DAPK1: variants seen among roughly 807,000 people sequenced by gnomAD.
DAPK1 encodes the protein death associated protein kinase 1, also known as death-associated protein kinase 1.
Under a neutral mutation model 144.9 loss-of-function variants are expected in DAPK1, and 56 were observed. That is an observed-to-expected ratio of 0.39 (90% confidence interval 0.31 to 0.48). DAPK1 has a LOEUF of 0.48. Among genes scored for constraint, DAPK1 ranks in the 20% least tolerant of loss-of-function variants. The pLI, the probability that DAPK1 is intolerant of heterozygous loss-of-function variation, is 0.95. For synonymous variants in DAPK1, 690 were observed against 749.0 expected (o/e 0.92, Z 1.29); for missense variants, 1,454 against 1,875.4 (o/e 0.78, Z 4.15).
chr9:87,501,459 C>T (rs982918783), intron 2 of DAPK1, among the ~76,000 whole-genome samples: 9 of 152,258 alleles, frequency 5.9e-5, no homozygotes, highest in Admixed American at 2.0e-4. Flanking sequence ...GCATGAGAAT[C>T]GCCTGAACCT....
In DAPK1 at chr9:87,669,517, AT is replaced by A. The variant is rs201779709; in HGVS notation, c.2001+851del. On this transcript the variant is annotated intron_variant, in intron 19 of 25. Coordinates refer to ENST00000408954, the MANE Select transcript of DAPK1 (RefSeq NM_004938.4). ...GTATTTTAAAAAATTTAATTACTGT[AT>A]TTTTTTTAAAATGTTATAACAATGG... Among the ~76,000 whole-genome samples the A allele has an allele frequency of 7.3e-3, 1,104 of 151,054 alleles. 15 individuals carry two copies. The highest frequency in any genetic ancestry group is 0.025 in the African/African-American group (1,040 of 40,902).
chr9:87,657,869 C>T, intron 17 of DAPK1, 160 bp from the exon 18 acceptor site: 2 of 639,006 alleles, frequency 3.1e-6, no homozygotes, highest in South Asian at 3.6e-5. Context: ...TTCTGCCTGG[C>T]TGGCCTGCCC....
At position 87,555,258 on chromosome 9, in the gene DAPK1, G is replaced by A. The variant is rs73652037; in HGVS notation, c.63-49696G>A. Among the ~76,000 whole-genome samples, 1,414 of 152,256 alleles carry A rather than the reference G, an allele frequency of 9.3e-3. 21 individuals are homozygous for A. Among genetic ancestry groups the A allele is most frequent in the African/African-American group, 0.033 (1,354 of 41,550 alleles). ...TTAGGGCATTTCCATAATACAGCAC[G>A]TTCTTAAGCAGACATTAAGTCAGAC... On this transcript the variant is annotated intron_variant, in intron 2 of 25. Coordinates refer to ENST00000408954, the MANE Select transcript of DAPK1 (RefSeq NM_004938.4).
Position 87,706,705 on chromosome 9 carries a change from C to G in DAPK1, c.3634C>G (p.Leu1212Val). The change falls in exon 26 of 26, where the codon CTG becomes GTG. Residue 1212 changes from leucine to valine, a missense_variant. Physicochemically the swap from Leu to Val is conservative, Grantham distance 32. This residue lies in a region of DAPK1 where 1,025 missense variants were observed against 1,237.9 expected (regional missense o/e 0.83). Coordinates refer to ENST00000408954, the MANE Select transcript of DAPK1 (RefSeq NM_004938.4). This position sits in a 1 kb window ranked among gnomAD's most constrained non-coding sequence, Gnocchi z 9.0. ...ETEKIKCCLL[L>V]DSVCSTIENV... ...GGAGAAGATCAAGTGCTGCCTGCTG[C>G]TGGACTCGGTGTGCAGCACCATTGA... 1 of 1,612,406 alleles carries G rather than the reference C, an allele frequency of 6.2e-7. No homozygotes were observed. The highest frequency in any genetic ancestry group is 8.5e-7 in the Non-Finnish European group (1 of 1,179,178).
At chr9:87,633,146 TGAA>T in intron 3 of DAPK1, 1 of 981,762 alleles carries the variant, frequency 1.0e-6, no homozygotes, top group Non-Finnish European at 1.2e-6. Flanking sequence ...CATGTAGGGA[TGAA>T]GGAGGATGAG....
rs748415475 is a variant in DAPK1, at chr9:87,686,699, G to A, written c.2373G>A (p.Gln791=). The part of the protein sequence containing the change: ...THHPHCSADD[Q]STKAIDIQNA... ...ACCCGCACTGCTCGGCCGATGACCAGTCCACCAAGGCCATCGACATCCAGA... is the reference window on the plus strand; with the variant it reads ...ACCCGCACTGCTCGGCCGATGACCAATCCACCAAGGCCATCGACATCCAGA... Residue 791 remains glutamine, a synonymous_variant, in exon 21 of 26, where the codon CAG becomes CAA. Coordinates refer to ENST00000408954, the MANE Select transcript of DAPK1 (RefSeq NM_004938.4). This position sits in a 1 kb window ranked among gnomAD's most constrained non-coding sequence, Gnocchi z 4.2. 5.0e-6 allele frequency: 8 copies of A among 1,613,386 alleles called. No homozygotes were observed. Among genetic ancestry groups the A allele is most frequent in the Non-Finnish European group, 3.4e-6 (4 of 1,179,412 alleles).
intron 2 of DAPK1, among the ~76,000 whole-genome samples, chr9:87,563,320 T>C (rs1186383732): frequency 6.6e-6 from 1 of 152,172 alleles, no homozygotes; most frequent in Non-Finnish European, 1.5e-5. Context: ...ATGAATATGA[T>C]TTTTAAGCTC....
chr9:87,520,777 G>A (rs1013590873), intron 2 of DAPK1, among the ~76,000 whole-genome samples: 27 of 152,288 alleles, frequency 1.8e-4, no homozygotes, highest in Middle Eastern at 6.8e-3. Flanking sequence ...ACATACCTGT[G>A]TGCGTACATA....
chr9:87,515,689 G>T (rs1164871491), intron 2 of DAPK1, among the ~76,000 whole-genome samples: 3 of 152,158 alleles, frequency 2.0e-5, no homozygotes, highest in African/African-American at 7.2e-5. Flanking sequence ...AAAGATTGCC[G>T]ATTTGGGGAG....
intron 2 of DAPK1, among the ~76,000 whole-genome samples, chr9:87,578,414 T>C (rs1031205899): frequency 2.6e-5 from 4 of 152,258 alleles, no homozygotes; most frequent in African/African-American, 9.6e-5. Context: ...GTGAATGTCA[T>C]TCTTTTCTTC....
At chr9:87,550,976 C>T (rs1826458994) in intron 2 of DAPK1, among the ~76,000 whole-genome samples, 1 of 152,202 alleles carries the variant, frequency 6.6e-6, no homozygotes, top group Non-Finnish European at 1.5e-5. Flanking sequence ...CCTGGGGACA[C>T]ATGTGGAAGG....
chr9:87,670,213 G>A (rs36216622), intron 19 of DAPK1, among the ~76,000 whole-genome samples: 1 of 151,916 alleles, frequency 6.6e-6, no homozygotes, highest in Admixed American at 6.6e-5. Context: ...GTGAGTCGTG[G>A]TTACCATTCA....
chr9:87,600,423 C>CA (rs2118932467), intron 2 of DAPK1, among the ~76,000 whole-genome samples: 1 of 151,536 alleles, frequency 6.6e-6, no homozygotes, highest in South Asian at 2.1e-4. Flanking sequence ...TCTATCTCTG[C>CA]AAAAAAGAAA....
intron 10 of DAPK1, 32 bp from the exon 11 acceptor site, chr9:87,643,344 T>TC (rs751433434): frequency 2.7e-5 from 33 of 1,204,166 alleles, no homozygotes; most frequent in African/African-American, 4.2e-5. Context: ...CTCCCCGCCC[T>TC]CCCTTTTTTT....
At position 87,706,591 on chromosome 9, in the gene DAPK1, T is replaced by A. The variant is rs1825645787; in HGVS notation, c.3520T>A (p.Cys1174Ser). Residue 1174 changes from cysteine (C) to serine (S), a missense_variant, in exon 26 of 26, where the codon TGC (cysteine) becomes AGC (serine). This residue lies in a region of DAPK1 where 1,025 missense variants were observed against 1,237.9 expected (regional missense o/e 0.83). Coordinates refer to ENST00000408954, the MANE Select transcript of DAPK1 (RefSeq NM_004938.4). The surrounding 1 kb of genome is among the most constrained non-coding windows in gnomAD (Gnocchi z 9.0). Reference protein sequence around the residue: ...DADIRLWVNGCKLANRGAELL... With the variant: ...DADIRLWVNGSKLANRGAELL... ...GGACATCCGCCTGTGGGTGAATGGCTGCAAGCTGGCCAACCGTGGGGCCGA... is the reference window on the plus strand; with the variant it reads ...GGACATCCGCCTGTGGGTGAATGGCAGCAAGCTGGCCAACCGTGGGGCCGA... 2.5e-6 allele frequency: 4 copies of A among 1,613,774 alleles called. No homozygotes were observed. Among genetic ancestry groups the A allele is most frequent in the Non-Finnish European group, 3.4e-6 (4 of 1,179,844 alleles).
At chr9:87,692,241 CTTTT>C (rs33982268) in intron 21 of DAPK1, among the ~76,000 whole-genome samples, 2 of 148,158 alleles carry the variant, frequency 1.3e-5, no homozygotes, top group Admixed American at 6.7e-5. Context: ...TAATGACCTT[CTTTT>C]TTTTTTTTTG....
intron 2 of DAPK1, among the ~76,000 whole-genome samples, chr9:87,558,088 T>C (rs1826783510): frequency 1.3e-5 from 2 of 152,238 alleles, no homozygotes; most frequent in African/African-American, 4.8e-5. Context: ...TCAGCAGCAT[T>C]GTGAGGTCCT....
chr9:87,681,594 T>C lies in DAPK1; in HGVS notation c.2192T>C (p.Phe731Ser). ...PRLSSTNSSRFPPSPLASKPT... is the reference protein window; with the variant it reads ...PRLSSTNSSRSPPSPLASKPT... ...CTGTCTTCCACCAACTCCAGCAGGT[T>C]CCCACCTTCACCCCTGGCTTCTAAG... Residue 731 changes from phenylalanine to serine, a missense_variant, in exon 20 of 26, where the codon TTC (phenylalanine) becomes TCC (serine). By Grantham distance (155) the Phe-to-Ser change is radical. This residue lies in a region of DAPK1 where 1,025 missense variants were observed against 1,237.9 expected (regional missense o/e 0.83). Transcript: ENST00000408954. 3 of 1,607,866 alleles carry C rather than the reference T, an allele frequency of 1.9e-6. No homozygotes were observed. The highest frequency in any genetic ancestry group is 2.6e-6 in the Non-Finnish European group (3 of 1,174,262).
At chr9:87,516,514 G>T (rs1458347378) in intron 2 of DAPK1, among the ~76,000 whole-genome samples, 2 of 152,020 alleles carry the variant, frequency 1.3e-5, no homozygotes, top group African/African-American at 2.4e-5. Flanking sequence ...TTGCTGTCTT[G>T]GTGATTGTTT....
Sources: allele counts gnomAD v4.1 joint callset (sites outside exome capture counted in the v4.1 genomes callset), GRCh38; gene constraint gnomAD v4.1.1; regional missense constraint gnomAD v4.1.1; non-coding constraint Gnocchi (gnomAD v3.1); transcripts MANE v1.5; gene names NCBI Gene and HGNC (gene_info 2026-07-23, HGNC 2026-07-21).